Variants in WBP2NL observed in about 807,000 individuals in gnomAD.
WBP2NL encodes postacrosomal sheath WW domain-binding protein.
In WBP2NL, 27 loss-of-function variants were observed where a neutral mutation model predicts 23.3. The observed-to-expected ratio is 1.16, with a 90% CI of 0.85 to 1.60. The LOEUF (loss-of-function observed/expected upper bound fraction) is 1.60. Ranked by LOEUF, WBP2NL falls within the 40% of genes most tolerant of loss-of-function variation. The probability of loss-of-function intolerance (pLI) is 0.00; values close to 1 mark genes in which losing one functional copy is unlikely to be tolerated. For synonymous variants in WBP2NL, 151 were observed against 145.9 expected, an observed-to-expected ratio of 1.03 and a Z score of -0.25; for missense variants, 370 against 389.5, an observed-to-expected ratio of 0.95 and a Z score of 0.42.
intron 1 of WBP2NL, among the ~76,000 whole-genome samples, chr22:42,014,898 T>G (rs1923168056): frequency 6.6e-6 from 1 of 152,270 alleles, no homozygotes; most frequent in Non-Finnish European, 1.5e-5. Context: ...CATCATTTCC[T>G]TTAACTCTTT....
intron 1 of WBP2NL, among the ~76,000 whole-genome samples, chr22:41,999,165 G>A (rs1921277505): frequency 6.6e-6 from 1 of 152,174 alleles, no homozygotes; most frequent in Non-Finnish European, 1.5e-5. Flanking sequence ...GGCGGGGCGG[G>A]GAGGGGGTGC....
downstream of WBP2NL, chr22:42,032,554 A>G (rs1925016284): frequency 3.9e-6 from 1 of 253,582 alleles, no homozygotes; most frequent in African/African-American, 2.3e-5. Flanking sequence ...TGCTTGCTTG[A>G]AAATCATGTA....
chr22:42,036,660 T>A (rs1925192942), downstream of WBP2NL, among the ~76,000 whole-genome samples: 1 of 152,242 alleles, frequency 6.6e-6, no homozygotes, highest in South Asian at 2.1e-4. Flanking sequence ...GGTTTTGATC[T>A]GCATTTACCT....
At chr22:42,040,308 C>T (rs7293095) in intron 8 of WBP2NL, among the ~76,000 whole-genome samples, 7,292 of 151,662 alleles carry the variant, frequency 0.048, 596 homozygotes, top group African/African-American at 0.17. Context: ...CTGCAACCTC[C>T]GCCTCCTGGG....
Position 42,023,189 on chromosome 22 carries a change from GT to G in WBP2NL, c.514+845del, listed in dbSNP as rs133343. Among the ~76,000 whole-genome samples the G allele has an allele frequency of 6.3e-3, 945 of 150,012 alleles. 7 individuals are homozygous for G. The highest frequency in any genetic ancestry group is 0.02 in the African/African-American group (832 of 40,620). ...GCTGTCTCTAGTTTCAAAAAGTGGTGTTTTTTTTTTTTGGAGACAGAGTCTC... is the reference window on the plus strand; with the variant it reads ...GCTGTCTCTAGTTTCAAAAAGTGGTGTTTTTTTTTTTGGAGACAGAGTCTC... On this transcript the variant is annotated intron_variant, in intron 5 of 5. Coordinates refer to ENST00000328823, the MANE Select transcript of WBP2NL (RefSeq NM_152613.3).
At chr22:42,011,171 C>T (rs547043039) in intron 1 of WBP2NL, among the ~76,000 whole-genome samples, 42 of 152,284 alleles carry the variant, frequency 2.8e-4, no homozygotes, top group Non-Finnish European at 5.0e-4. Context: ...AGTGTTTCTT[C>T]CTCTTTAATT....
intron 4 of WBP2NL, among the ~76,000 whole-genome samples, chr22:42,020,810 C>T (rs1234851284): frequency 7.6e-6 from 1 of 131,902 alleles, no homozygotes; most frequent in African/African-American, 2.9e-5. Context: ...TACCACAGAA[C>T]TCTTTCAAAC....
In WBP2NL at chr22:42,022,245, C is replaced by A. The variant is rs199831695; in HGVS notation, c.407-4C>A. The A allele has an allele frequency of 5.6e-6, 9 of 1,614,066 alleles. No individual in the cohort carries two copies. The East Asian group carries it at 1.8e-4, about 32-fold the overall frequency. ...TTCCTATTTTGCCAAATTTGTCTTT[C>A]CAGCTGCCCGAGGATTTCCACTTAG... On this transcript the variant is annotated splice_polypyrimidine_tract_variant and splice_region_variant and intron_variant, in intron 4 of 5. Coordinates refer to ENST00000328823, the MANE Select transcript of WBP2NL (RefSeq NM_152613.3).
At chr22:42,018,470 AAAG>A (rs1923551177) in intron 1 of WBP2NL, among the ~76,000 whole-genome samples, 1 of 151,914 alleles carries the variant, frequency 6.6e-6, no homozygotes, top group Non-Finnish European at 1.5e-5. Context: ...GGAGAAAGAG[AAAG>A]AAGAAATAAG....
intron 1 of WBP2NL, among the ~76,000 whole-genome samples, chr22:42,006,469 G>A (rs1025042942): frequency 4.6e-5 from 7 of 152,134 alleles, no homozygotes; most frequent in Non-Finnish European, 5.9e-5. Context: ...GCCTGACCTC[G>A]TGATCCGCCC....
chr22:42,057,869 G>GTGTATATA (rs1926112302), intron 8 of WBP2NL, among the ~76,000 whole-genome samples: 6 of 32,550 alleles, frequency 1.8e-4, no homozygotes, highest in African/African-American at 8.9e-4. Flanking sequence ...GTGTGTGTAT[G>GTGTATATA]TATATATATA....
chr22:42,048,775 G>GA (rs57453765), intron 8 of WBP2NL, among the ~76,000 whole-genome samples: 57,238 of 147,536 alleles, frequency 0.39, 13,632 homozygotes, highest in East Asian at 0.84. Flanking sequence ...AAAAAGAAAA[G>GA]AAAAAAAAGA....
intron 1 of WBP2NL, chr22:42,001,304 G>A (rs539891289): frequency 6.3e-6 from 4 of 636,042 alleles, no homozygotes; most frequent in Admixed American, 4.7e-5. Flanking sequence ...AGCAACGGCA[G>A]TGACAGTCTG....
rs1924697477 is a variant in WBP2NL, at chr22:42,028,418, A to C, written c.*1237A>C. On this transcript the variant is annotated 3_prime_UTR_variant, in exon 6 of 6. Coordinates refer to ENST00000328823, the MANE Select transcript of WBP2NL (RefSeq NM_152613.3). ...ATTGCATATGATTCCACACCATTTC[A>C]ACCAAAATTAATAGGCCATAAATGT... is the stretch of plus-strand genomic sequence containing the variant. The C allele has an allele frequency of 1.0e-5, 2 of 192,262 alleles. No individual in the cohort carries two copies. Among genetic ancestry groups the C allele is most frequent in the Non-Finnish European group, 2.1e-5 (2 of 95,356 alleles). 11.9% of individuals were successfully genotyped at this position (192,262 alleles called of 1,614,324 possible).
chr22:42,021,162 C>G (rs1239992365), intron 4 of WBP2NL, among the ~76,000 whole-genome samples: 1 of 151,592 alleles, frequency 6.6e-6, no homozygotes, highest in African/African-American at 2.4e-5. Flanking sequence ...TCAGGAGATC[C>G]ACCTGCCTCA....
At chr22:42,026,273 AAATAATAATAATAATAATAAT>A (rs3045492) in intron 5 of WBP2NL, among the ~76,000 whole-genome samples, 98 of 140,312 alleles carry the variant, frequency 7.0e-4, no homozygotes, top group Admixed American at 4.0e-3. Flanking sequence ...CCCCCTCTCA[AAATAATAATAATAATAATAAT>A]AATAATAATA....
intron 8 of WBP2NL, among the ~76,000 whole-genome samples, chr22:42,039,713 T>C (rs977931457): frequency 2.6e-5 from 4 of 152,152 alleles, no homozygotes; most frequent in African/African-American, 9.7e-5. Flanking sequence ...TTATTTATGA[T>C]TTTATTTATT....
At chr22:42,010,155 A>G (rs1394510252) in intron 1 of WBP2NL, among the ~76,000 whole-genome samples, 1 of 152,176 alleles carries the variant, frequency 6.6e-6, no homozygotes, top group Non-Finnish European at 1.5e-5. Context: ...TTGATTTTAT[A>G]TGCTGCTACT....
chr22:42,019,176 G>A (rs561845609), intron 1 of WBP2NL, 135 bp from the exon 2 acceptor site: 244 of 679,704 alleles, frequency 3.6e-4, no homozygotes, highest in East Asian at 8.4e-4. Context: ...AGGTGAAATC[G>A]TGCCACTGCA....
Sources: allele counts gnomAD v4.1 joint callset (sites outside exome capture counted in the v4.1 genomes callset), GRCh38; gene constraint gnomAD v4.1.1; transcripts MANE v1.5; gene names NCBI Gene and HGNC (gene_info 2026-07-23, HGNC 2026-07-21).